Variants in ANTXR1 observed in about 807,000 individuals in gnomAD.
The protein encoded by ANTXR1 is ANTXR cell adhesion molecule 1.
ANTXR1 carries 19 observed loss-of-function variants against 78.1 expected under a neutral mutation model. That is an observed-to-expected ratio of 0.24 (90% CI 0.17 to 0.36). ANTXR1 has a LOEUF of 0.36. ANTXR1 is among the 10% of genes least tolerant of loss of function. The pLI is 1.00. For synonymous variants in ANTXR1, 273 were observed against 260.5 expected (o/e 1.05, Z -0.46); for missense variants, 518 against 718.6 (o/e 0.72, Z 3.19).
At chr2:69,224,228 A>G (rs942176530) in intron 17 of ANTXR1, among the ~76,000 whole-genome samples, 2 of 152,186 alleles carry the variant, frequency 1.3e-5, no homozygotes, top group African/African-American at 2.4e-5. Flanking sequence ...ATCCTCATCA[A>G]TCGTCAGATT....
At chr2:69,193,464 T>TC in intron 17 of ANTXR1, 49 bp downstream of exon 17, 1 of 1,073,648 alleles carries the variant, frequency 9.3e-7, no homozygotes, top group Admixed American at 1.7e-5. Context: ...CTCTCTCACA[T>TC]ACACACACAC....
intron 10 of ANTXR1, among the ~76,000 whole-genome samples, chr2:69,111,793 G>GCC (rs1671988986): frequency 6.6e-6 from 1 of 152,230 alleles, no homozygotes; most frequent in South Asian, 2.1e-4. Context: ...TCCAGAGGGT[G>GCC]TTGTTTTCAA....
At position 69,087,266 on chromosome 2, in the gene ANTXR1, T is replaced by C. The variant is rs1234196003; in HGVS notation, c.643-3593T>C. Reference sequence around the variant, plus strand: ...TGATTACTTATCAGGTTTTAGGCACTGTGCTATGGGCTCTGCCTGTGTGAT... The same window carrying C: ...TGATTACTTATCAGGTTTTAGGCACCGTGCTATGGGCTCTGCCTGTGTGAT... On this transcript the variant is annotated intron_variant, in intron 8 of 17. Transcript: ENST00000303714. Among the ~76,000 whole-genome samples, 4 of 152,252 alleles carry C rather than the reference T, an allele frequency of 2.6e-5. No homozygotes were observed. In the East Asian group the frequency reaches 7.7e-4, roughly 29 times the overall value.
rs1033334663 is a variant in ANTXR1 at position 69,013,508 on chromosome 2, G to A, written c.9G>A (p.Thr3=). Reference sequence around the variant, plus strand: ...TCCCCGGGCTGCGGGCCATGGCCACGGCGGAGCGGAGAGCCCTCGGCATCG... The same window carrying A: ...TCCCCGGGCTGCGGGCCATGGCCACAGCGGAGCGGAGAGCCCTCGGCATCG... MA[T]AERRALGIGF... The change falls in exon 1 of 18, where the codon ACG becomes ACA. Residue 3 remains threonine (T), a synonymous_variant. Transcript: ENST00000303714. The surrounding 1 kb of genome is among the most constrained non-coding windows in gnomAD (Gnocchi z 5.0). 11 of 1,589,266 alleles carry A rather than the reference G, an allele frequency of 6.9e-6. No individual in the cohort carries two copies. The highest frequency in any genetic ancestry group is 8.5e-6 in the Non-Finnish European group (10 of 1,170,002).
At chr2:69,096,289 G>C (rs1671405590) in intron 9 of ANTXR1, among the ~76,000 whole-genome samples, 1 of 3,686 alleles carries the variant, frequency 2.7e-4, no homozygotes, top group Admixed American at 2.7e-3. Context: ...AGGAAGGAAG[G>C]GAGGAAGGGA....
At chr2:69,151,024 A>G (rs1288429695) in intron 12 of ANTXR1, among the ~76,000 whole-genome samples, 1 of 152,124 alleles carries the variant, frequency 6.6e-6, no homozygotes, top group Non-Finnish European at 1.5e-5. Flanking sequence ...ACCCTGTCAC[A>G]AAAAATATGA....
chr2:69,228,530 C>T (rs184871514), intron 17 of ANTXR1, among the ~76,000 whole-genome samples: 51 of 151,974 alleles, frequency 3.4e-4, no homozygotes, highest in African/African-American at 1.0e-3. Flanking sequence ...GGGAAAATTA[C>T]GCAGCCCCTG....
At chr2:69,235,017 CTT>C (rs748250586) in intron 17 of ANTXR1, among the ~76,000 whole-genome samples, 1,475 of 82,970 alleles carry the variant, frequency 0.018, 2 homozygotes, top group African/African-American at 0.072. Flanking sequence ...ATGATGAAAG[CTT>C]TTTTTTTTTT....
chr2:69,020,554 T>C (rs1391944315), intron 1 of ANTXR1, among the ~76,000 whole-genome samples: 2 of 152,176 alleles, frequency 1.3e-5, no homozygotes, highest in Non-Finnish European at 2.9e-5. Context: ...TATGTCCAAA[T>C]GCTAAAGGAT....
intron 13 of ANTXR1, among the ~76,000 whole-genome samples, chr2:69,160,945 A>T (rs1673664460): frequency 6.6e-6 from 1 of 152,178 alleles, no homozygotes. Flanking sequence ...CTGGATCCTA[A>T]GATGCAGCCT....
intron 10 of ANTXR1, among the ~76,000 whole-genome samples, chr2:69,108,688 G>T (rs1322087214): frequency 2.0e-5 from 3 of 152,080 alleles, no homozygotes; most frequent in East Asian, 3.9e-4. Flanking sequence ...TCATCATTTA[G>T]CTCCCACTTA....
rs761335593 is a variant in ANTXR1, at chr2:69,152,154, C to T, written c.952-15C>T. The T allele has an allele frequency of 9.9e-6, 16 of 1,613,458 alleles. No individual in the cohort carries two copies. The highest frequency in any genetic ancestry group is 1.3e-5 in the Non-Finnish European group (15 of 1,179,726). On this transcript the variant is annotated splice_polypyrimidine_tract_variant and intron_variant, in intron 12 of 17. Transcript: ENST00000303714. ...TCCCATCCCGCTGCTGACCGCCTCT[C>T]TCTTGGCCCTGCAGTCTGACGGTTC...
At chr2:69,235,651 C>CAA (rs554310438) in intron 17 of ANTXR1, among the ~76,000 whole-genome samples, 650 of 56,550 alleles carry the variant, frequency 0.011, 1 homozygote, top group Non-Finnish European at 0.017. Flanking sequence ...AACCCCGTCT[C>CAA]AAAAAAAAAA....
At chr2:69,063,032 A>G (rs1217919336) in intron 3 of ANTXR1, among the ~76,000 whole-genome samples, 1 of 152,208 alleles carries the variant, frequency 6.6e-6, no homozygotes, top group Non-Finnish European at 1.5e-5. Context: ...GAAATATCCA[A>G]ACTGAAAGAC....
chr2:69,133,260 C>A (rs931897168), intron 12 of ANTXR1, among the ~76,000 whole-genome samples: 6 of 152,156 alleles, frequency 3.9e-5, no homozygotes, highest in African/African-American at 1.4e-4. Context: ...CAGGAAACAA[C>A]CTCTGAAGAA....
intron 8 of ANTXR1, among the ~76,000 whole-genome samples, chr2:69,086,256 A>G (rs1160618028): frequency 1.3e-5 from 2 of 152,242 alleles, no homozygotes; most frequent in Non-Finnish European, 2.9e-5. Flanking sequence ...ACAGTTCTGT[A>G]AAGATTCTTG....
intron 12 of ANTXR1, among the ~76,000 whole-genome samples, chr2:69,131,727 C>T (rs1257037089): frequency 6.6e-6 from 1 of 152,128 alleles, no homozygotes. Context: ...ATGGCACCTA[C>T]TGGCAGGAAA....
chr2:69,165,344 G>GCATT (rs1226208632), intron 13 of ANTXR1, among the ~76,000 whole-genome samples: 1 of 152,208 alleles, frequency 6.6e-6, no homozygotes, highest in Non-Finnish European at 1.5e-5. Context: ...GAAGTGCCCT[G>GCATT]CATTCAGCTC....
intron 8 of ANTXR1, among the ~76,000 whole-genome samples, chr2:69,084,419 G>A (rs1312142657): frequency 1.3e-5 from 2 of 152,000 alleles, no homozygotes; most frequent in Non-Finnish European, 2.9e-5. Flanking sequence ...CAAAAACTTT[G>A]GCATGTTTTA....
Sources: gnomAD v4.1 joint callset for allele counts (sites outside exome capture counted in the v4.1 genomes callset) on GRCh38, gnomAD v4.1.1 for gene constraint, Gnocchi (gnomAD v3.1) non-coding constraint, MANE v1.5 for transcripts, NCBI Gene and HGNC (gene_info 2026-07-23, HGNC 2026-07-21) for gene names.